Variants in TBC1D19 observed in about 807,000 individuals in gnomAD.
TBC1D19 encodes TBC1 domain family member 19.
A neutral mutation model predicts 89.0 loss-of-function variants in TBC1D19; 60 were observed. That is an observed-to-expected ratio of 0.67 (90% CI 0.55 to 0.84). The LOEUF is 0.84. TBC1D19 is among the 40% of genes least tolerant of loss of function. TBC1D19 has a pLI of 0.00. For synonymous variants in TBC1D19, 189 were observed against 199.7 expected, an observed-to-expected ratio of 0.95 and a Z score of 0.45; for missense variants, 500 against 610.8, an observed-to-expected ratio of 0.82 and a Z score of 1.91.
At chr4:26,746,535 A>G (rs745947972) in intron 18 of TBC1D19, among the ~76,000 whole-genome samples, 11 of 152,088 alleles carry the variant, frequency 7.2e-5, no homozygotes, top group South Asian at 2.1e-4. Flanking sequence ...TTTCAGTTCT[A>G]TAATTTCCAT....
intron 15 of TBC1D19, among the ~76,000 whole-genome samples, chr4:26,730,372 T>C (rs545540236): frequency 2.6e-4 from 39 of 152,186 alleles, no homozygotes; most frequent in Non-Finnish European, 5.0e-4. Context: ...TCTTAAGTAC[T>C]GCCTTTGTAT....
the TBC1D19 span, among the ~76,000 whole-genome samples, chr4:26,780,204 T>G: frequency 6.6e-6 from 1 of 152,352 alleles, no homozygotes; most frequent in East Asian, 1.9e-4. Flanking sequence ...GGCAGCCAAG[T>G]AGAGGATTCT....
intron 4 of TBC1D19, among the ~76,000 whole-genome samples, chr4:26,625,132 T>C (rs1424091712): frequency 2.6e-5 from 4 of 152,148 alleles, no homozygotes; most frequent in East Asian, 1.9e-4. Context: ...GTCTTCAGAG[T>C]TGGGTTATAA....
chr4:26,817,981 A>AAAAATATATATATATATAT, the TBC1D19 span, among the ~76,000 whole-genome samples: 2 of 126,078 alleles, frequency 1.6e-5, no homozygotes, highest in African/African-American at 7.4e-5. Flanking sequence ...AAAAAAAAAA[A>AAAAATATATATATATATAT]ATATATATAT....
In TBC1D19 at chr4:26,755,063, G is replaced by T; in HGVS notation, c.*116G>T. 1 of 894,248 alleles carries T rather than the reference G, an allele frequency of 1.1e-6. No individual in the cohort carries two copies. The highest frequency in any genetic ancestry group is 1.9e-5 in the South Asian group (1 of 52,766). 55.4% of individuals were successfully genotyped at this position (894,248 alleles called of 1,614,324 possible). ...TTGCATATAAGCCAATAAAGATCAT[G>T]TTCCCTCTTCAGTTAAACCTAAGTA... On this transcript the variant is annotated 3_prime_UTR_variant, in exon 21 of 21. Transcript: ENST00000264866.
At chr4:26,667,774 A>T (rs941489673) in intron 9 of TBC1D19, among the ~76,000 whole-genome samples, 1 of 151,944 alleles carries the variant, frequency 6.6e-6, no homozygotes, top group African/African-American at 2.4e-5. Context: ...TCATATTTGT[A>T]TATGTTCATT....
chr4:26,620,257 C>A (rs1741957323), intron 3 of TBC1D19, among the ~76,000 whole-genome samples: 1 of 152,190 alleles, frequency 6.6e-6, no homozygotes, highest in African/African-American at 2.4e-5. Context: ...CCCAAGAGGA[C>A]TTCACTGACC....
chr4:26,778,961 A>G, the TBC1D19 span, among the ~76,000 whole-genome samples: 2 of 152,182 alleles, frequency 1.3e-5, no homozygotes, highest in African/African-American at 2.4e-5. Flanking sequence ...ATCAAATCCG[A>G]ATCTCTGGGG....
At chr4:26,703,351 T>G (rs1219751419) in intron 13 of TBC1D19, among the ~76,000 whole-genome samples, 2 of 152,164 alleles carry the variant, frequency 1.3e-5, no homozygotes, top group Non-Finnish European at 2.9e-5. Context: ...TTTCAGAAAT[T>G]GAGTTCTGTT....
At chr4:26,690,607 G>A (rs931716825) in intron 13 of TBC1D19, among the ~76,000 whole-genome samples, 3 of 152,142 alleles carry the variant, frequency 2.0e-5, no homozygotes, top group African/African-American at 7.2e-5. Flanking sequence ...TACTCTGCCT[G>A]TGCTCTATAA....
At chr4:26,705,886 T>G (rs1381931956) in intron 13 of TBC1D19, among the ~76,000 whole-genome samples, 1 of 152,034 alleles carries the variant, frequency 6.6e-6, no homozygotes, top group African/African-American at 2.4e-5. Flanking sequence ...AGTTTTTGTT[T>G]TGTTTTGTTT....
At chr4:26,842,583 C>CCTTCCTTCCTTT in the TBC1D19 span, among the ~76,000 whole-genome samples, 366 of 70,580 alleles carry the variant, frequency 5.2e-3, no homozygotes, top group East Asian at 0.011. Context: ...TTCCTCCCTC[C>CCTTCCTTCCTTT]CTTTCTTTCT....
the TBC1D19 span, among the ~76,000 whole-genome samples, chr4:26,849,970 C>G: frequency 1.9e-4 from 29 of 152,270 alleles, no homozygotes; most frequent in South Asian, 1.2e-3. Context: ...CTCTGCCACT[C>G]TACCATTTGA....
chr4:26,749,249 G>A (rs963585412), intron 19 of TBC1D19, among the ~76,000 whole-genome samples: 1 of 151,918 alleles, frequency 6.6e-6, no homozygotes, highest in Admixed American at 6.6e-5. Flanking sequence ...TACTTTATTA[G>A]TGAGATTACC....
In TBC1D19 at chr4:26,593,839, A is replaced by T. The variant is rs571236268; in HGVS notation, c.99+9547A>T. On this transcript the variant is annotated intron_variant, in intron 1 of 20. Transcript: ENST00000264866. ...GGCGATCATTAAAAAGTCAGGAAAC[A>T]ACAGGTGCTGGAGAGGTTGTGGAGA... 6.6e-5 allele frequency among the ~76,000 whole-genome samples: 10 copies of T among 152,318 alleles called. No individual in the cohort carries two copies. In the East Asian group the frequency reaches 1.9e-3, roughly 29 times the overall value.
the TBC1D19 span, among the ~76,000 whole-genome samples, chr4:26,842,993 T>C: frequency 6.6e-6 from 1 of 152,170 alleles, no homozygotes; most frequent in Non-Finnish European, 1.5e-5. Context: ...AGGTAATATA[T>C]GATCTGTGGT....
At chr4:26,815,706 G>A in the TBC1D19 span, among the ~76,000 whole-genome samples, 33 of 152,216 alleles carry the variant, frequency 2.2e-4, no homozygotes, top group Non-Finnish European at 4.4e-5. Flanking sequence ...GACATGAAAA[G>A]ATTTTGGTCA....
chr4:26,741,079 G>A (rs1050378110), intron 17 of TBC1D19, among the ~76,000 whole-genome samples: 4 of 152,040 alleles, frequency 2.6e-5, no homozygotes, highest in Admixed American at 6.5e-5. Flanking sequence ...TTTTCTGGCC[G>A]GGCGTGGTGG....
At chr4:26,766,789 T>C in the TBC1D19 span, among the ~76,000 whole-genome samples, 2 of 152,214 alleles carry the variant, frequency 1.3e-5, no homozygotes, top group East Asian at 3.8e-4. Context: ...TTTCTTCATC[T>C]ACAAAATGTA....
Sources: allele counts gnomAD v4.1 joint callset (sites outside exome capture counted in the v4.1 genomes callset), GRCh38; gene constraint gnomAD v4.1.1; transcripts MANE v1.5; gene names NCBI Gene and HGNC (gene_info 2026-07-23, HGNC 2026-07-21).